The following BIRC2 variants were observed in gnomAD, a reference collection of about 807,000 sequenced individuals.
BIRC2 encodes baculoviral IAP repeat containing 2, also known as baculoviral IAP repeat-containing protein 2.
Under a neutral mutation model 60.9 loss-of-function variants are expected in BIRC2, and 18 were observed. The ratio of observed to expected loss-of-function variants is 0.30; its 90% CI spans 0.20 to 0.44. The LOEUF is 0.44. Among genes scored for constraint, BIRC2 ranks in the 20% least tolerant of loss-of-function variants. The pLI, the probability that BIRC2 is intolerant of heterozygous loss-of-function variation, is 1.00. For synonymous variants in BIRC2, 282 were observed against 247.7 expected (o/e 1.14, Z -1.30); for missense variants, 701 against 728.5 (o/e 0.96, Z 0.43).
chr11:102,375,335 G>T (rs1485260987), intron 6 of BIRC2, among the ~76,000 whole-genome samples: 1 of 152,206 alleles, frequency 6.6e-6, no homozygotes, highest in Admixed American at 6.5e-5. Context: ...GAGAGGCGAA[G>T]GTTGCATATG....
Sources: gnomAD v4.1 joint callset for allele counts (sites outside exome capture counted in the v4.1 genomes callset) on GRCh38, gnomAD v4.1.1 for gene constraint, MANE v1.5 for transcripts, NCBI Gene and HGNC (gene_info 2026-07-23, HGNC 2026-07-21) for gene names.